The following ZNF790 variants were observed in gnomAD, a reference collection of about 807,000 sequenced individuals.
ZNF790 encodes zinc finger protein 790.
A neutral mutation model predicts 12.1 loss-of-function variants in ZNF790; 8 were observed. The ratio of observed to expected loss-of-function variants is 0.66; its 90% CI spans 0.39 to 1.19. ZNF790 has a LOEUF of 1.19. Among genes scored for constraint, ZNF790 ranks in the 50% most tolerant of loss-of-function variants. The probability of loss-of-function intolerance (pLI) is 0.01; values close to 1 mark genes in which losing one functional copy is unlikely to be tolerated. For synonymous variants in ZNF790, 252 were observed against 244.3 expected, an observed-to-expected ratio of 1.03 and a Z score of -0.29; for missense variants, 707 against 752.2, an observed-to-expected ratio of 0.94 and a Z score of 0.70.
chr19:36,831,602 A>T (rs1305116637), intron 1 of ZNF790, among the ~76,000 whole-genome samples: 1 of 152,254 alleles, frequency 6.6e-6, no homozygotes, highest in Non-Finnish European at 1.5e-5. Context: ...TATAGTATGG[A>T]ACACAGAATA....
intron 1 of ZNF790, among the ~76,000 whole-genome samples, chr19:36,843,692 T>C (rs2072150048): frequency 6.6e-6 from 1 of 152,118 alleles, no homozygotes; most frequent in South Asian, 2.1e-4. Flanking sequence ...GAGACAGGAC[T>C]GTATGACAGA....
chr19:36,841,095 ATT>A (rs1295133052), upstream of ZNF790, among the ~76,000 whole-genome samples: 1 of 152,228 alleles, frequency 6.6e-6, no homozygotes, highest in Non-Finnish European at 1.5e-5. Context: ...ACCAGAGGTG[ATT>A]TTGTTCTCCA....
rs140609486 is a variant in ZNF790, at chr19:36,823,352, G to T, written c.162C>A (p.Phe54Leu). 1.2e-6 allele frequency: 2 copies of T among 1,613,866 alleles called. No homozygotes were observed. The highest frequency in any genetic ancestry group is 1.7e-6 in the Non-Finnish European group (2 of 1,179,974). ...LGFCIYQPEA[F>L]SLLEKGKEPW... ...GCTCTTTCCCTTTCTCCAATAAAGA[G>T]AACGCTTCTGGCTGATAAATGCAAA... The change falls in exon 4 of 5, where the codon TTC becomes TTA. Residue 54 changes from phenylalanine to leucine, a missense_variant. By Grantham distance (22) the Phe-to-Leu change is conservative. Coordinates refer to ENST00000356725, the MANE Select transcript of ZNF790 (RefSeq NM_206894.4).
rs2146036069 is a variant in ZNF790, at chr19:36,825,639, A to G, written c.-20T>C. 2.5e-6 allele frequency: 4 copies of G among 1,614,128 alleles called. No homozygotes were observed. Among genetic ancestry groups the G allele is most frequent in the Non-Finnish European group, 3.4e-6 (4 of 1,179,948 alleles). On this transcript the variant is annotated 5_prime_UTR_variant, in exon 2 of 5. Transcript: ENST00000356725. ...GGCCATGACTTAACATTCCAAGTCC[A>G]CCAGTCCTTCTCTGGATTCTTTCTT...
chr19:36,831,032 G>T (rs1414435570), intron 1 of ZNF790, among the ~76,000 whole-genome samples: 4 of 152,028 alleles, frequency 2.6e-5, no homozygotes, highest in African/African-American at 9.7e-5. Flanking sequence ...CCAGCTACTT[G>T]GGAGGCTGAG....
chr19:36,821,592 T>G (rs2146018850), intron 4 of ZNF790, among the ~76,000 whole-genome samples: 1 of 152,124 alleles, frequency 6.6e-6, no homozygotes, highest in South Asian at 2.1e-4. Flanking sequence ...TTTATTTATT[T>G]ATTTATTTTG....
intron 3 of ZNF790, 44 bp downstream of exon 3, chr19:36,823,623 C>G: frequency 6.3e-7 from 1 of 1,587,470 alleles, no homozygotes; most frequent in East Asian, 2.2e-5. Flanking sequence ...AAAAAAATCA[C>G]AATACAGAAA....
intron 1 of ZNF790, among the ~76,000 whole-genome samples, chr19:36,827,177 T>TATATATATAC (rs1387560651): frequency 3.3e-5 from 4 of 121,226 alleles, no homozygotes; most frequent in African/African-American, 9.7e-5. Context: ...TATATATATA[T>TATATATATAC]ACACTTACCA....
At chr19:36,844,097 T>A (rs527504398) in intron 1 of ZNF790, among the ~76,000 whole-genome samples, 1 of 151,164 alleles carries the variant, frequency 6.6e-6, no homozygotes, top group African/African-American at 2.4e-5. Context: ...CTGGGTGGAT[T>A]GCTTGAGCCC....
At chr19:36,837,444 CCTTT>C in intron 1 of ZNF790, among the ~76,000 whole-genome samples, 1 of 151,726 alleles carries the variant, frequency 6.6e-6, no homozygotes, top group East Asian at 1.9e-4. Context: ...TACCTTCAGA[CCTTT>C]CTTCCTCCCT....
At chr19:36,828,942 G>C (rs1008104997) in intron 1 of ZNF790, among the ~76,000 whole-genome samples, 1 of 152,208 alleles carries the variant, frequency 6.6e-6, no homozygotes, top group African/African-American at 2.4e-5. Flanking sequence ...GGAAGCCACA[G>C]TGATGCTACA....
chr19:36,835,979 T>C (rs2072036653), intron 1 of ZNF790, among the ~76,000 whole-genome samples: 1 of 152,048 alleles, frequency 6.6e-6, no homozygotes. Context: ...AAAGTCCTTT[T>C]TGCCATATAA....
intron 1 of ZNF790, among the ~76,000 whole-genome samples, chr19:36,845,798 C>CT (rs34959202): frequency 0.036 from 5,164 of 144,134 alleles, 231 homozygotes; most frequent in African/African-American, 0.1. Flanking sequence ...AACCTAGATT[C>CT]TTTTTTTTTT....
intron 1 of ZNF790, among the ~76,000 whole-genome samples, chr19:36,829,659 T>C (rs762933320): frequency 1.7e-4 from 26 of 152,266 alleles, no homozygotes; most frequent in Non-Finnish European, 2.9e-4. Context: ...CCTCCACCTC[T>C]GGGGTTCAAG....
intron 1 of ZNF790, among the ~76,000 whole-genome samples, chr19:36,831,549 C>T (rs1212059820): frequency 1.3e-5 from 2 of 152,232 alleles, no homozygotes; most frequent in African/African-American, 4.8e-5. Context: ...ACAGTGAGAC[C>T]CCCATCTCTA....
rs2071620365 is a variant in ZNF790, at chr19:36,819,576, A to G, written c.768T>C (p.Cys256=). 2.5e-6 allele frequency: 4 copies of G among 1,611,412 alleles called. No individual in the cohort carries two copies. The highest frequency in any genetic ancestry group is 3.4e-6 in the Non-Finnish European group (4 of 1,178,524). The change falls in exon 5 of 5, where the codon TGT becomes TGC. Residue 256 remains cysteine (C), a synonymous_variant. Coordinates refer to ENST00000356725, the MANE Select transcript of ZNF790 (RefSeq NM_206894.4). ...RIHTGEKPFK[C]KDCGKAFRFH... ...ATCTAAAGGCTTTCCCACAATCCTT[A>G]CATTTAAAAGGTTTCTCACCGGTAT...
chr19:36,834,880 C>T (rs1364100476), intron 1 of ZNF790, among the ~76,000 whole-genome samples: 1 of 152,162 alleles, frequency 6.6e-6, no homozygotes, highest in African/African-American at 2.4e-5. Flanking sequence ...TAAGCAGAGG[C>T]CATGATCTTG....
At chr19:36,825,186 G>A (rs375043309) in intron 2 of ZNF790, among the ~76,000 whole-genome samples, 1 of 152,296 alleles carries the variant, frequency 6.6e-6, no homozygotes, top group African/African-American at 2.4e-5. Flanking sequence ...ATCACAAAGT[G>A]CCACATACCT....
At chr19:36,822,030 C>G (rs2071684215) in intron 4 of ZNF790, among the ~76,000 whole-genome samples, 1 of 152,176 alleles carries the variant, frequency 6.6e-6, no homozygotes, top group African/African-American at 2.4e-5. Flanking sequence ...TAGGTCTTCT[C>G]TTAATGTTCC....
Sources: allele counts gnomAD v4.1 joint callset (sites outside exome capture counted in the v4.1 genomes callset), GRCh38; gene constraint gnomAD v4.1.1; transcripts MANE v1.5; gene names NCBI Gene and HGNC (gene_info 2026-07-23, HGNC 2026-07-21).